SEMA6D: variants seen among roughly 807,000 people sequenced by gnomAD.
SEMA6D encodes semaphorin-6D.
Under a neutral mutation model 106.6 loss-of-function variants are expected in SEMA6D, and 35 were observed. The ratio of observed to expected loss-of-function variants is 0.33; its 90% CI spans 0.25 to 0.44. SEMA6D has a LOEUF of 0.44. Among genes scored for constraint, SEMA6D ranks in the 20% least tolerant of loss-of-function variants. SEMA6D has a pLI of 1.00. For missense variants in SEMA6D, 1,185 were observed against 1,345.9 expected (o/e 0.88, Z 1.87); for synonymous variants, 499 against 487.7 (o/e 1.02, Z -0.31).
chr15:47,715,940 C>T (rs1165432433), upstream of SEMA6D, among the ~76,000 whole-genome samples: 1 of 152,178 alleles, frequency 6.6e-6, no homozygotes, highest in African/African-American at 2.4e-5. Context: ...GGCTTGCTCC[C>T]TTGATGGAGA....
At position 47,348,723 on chromosome 15, in the gene SEMA6D, C is replaced by CAGAGAGAGAGAG. The variant is rs1258338355; in HGVS notation, c.-238-63669_-238-63668insGAGAGAGAGAGA. On this transcript the variant is annotated intron_variant, in intron 1 of 19. Coordinates refer to the SEMA6D transcript ENST00000558014. ...CACACACACACACACACACACCACA[C>CAGAGAGAGAGAG]ACACAGAGAGAGAGAGAGAGAGAGA... Among the ~76,000 whole-genome samples the CAGAGAGAGAGAG allele has an allele frequency of 3.4e-3, 157 of 45,586 alleles. 16 individuals carry two copies. Among genetic ancestry groups the CAGAGAGAGAGAG allele is most frequent in the African/African-American group, 7.6e-3 (133 of 17,522 alleles). The allele number at this position is 45,586 out of a possible 152,430, so 29.9% of individuals were successfully genotyped here.
At chr15:47,420,862 A>C (rs976543832) in intron 2 of SEMA6D, among the ~76,000 whole-genome samples, 10 of 152,140 alleles carry the variant, frequency 6.6e-5, no homozygotes, top group Admixed American at 3.9e-4. Flanking sequence ...AGGGGCAGCT[A>C]TTCAGTTCTC....
intron 1 of SEMA6D, among the ~76,000 whole-genome samples, chr15:47,287,794 C>T (rs2035435723): frequency 6.6e-6 from 1 of 152,148 alleles, no homozygotes; most frequent in African/African-American, 2.4e-5. Context: ...TTAGGCCATT[C>T]TTGCATTGCT....
intron 1 of SEMA6D, among the ~76,000 whole-genome samples, chr15:47,365,003 T>C (rs2038959590): frequency 2.6e-5 from 4 of 152,142 alleles, no homozygotes; most frequent in Admixed American, 2.6e-4. Flanking sequence ...AGTACAAGCA[T>C]CTGAGAGATG....
chr15:47,452,596 CTTGAAT>C (rs1472990366), intron 2 of SEMA6D, among the ~76,000 whole-genome samples: 1 of 151,762 alleles, frequency 6.6e-6, no homozygotes, highest in Non-Finnish European at 1.5e-5. Context: ...GGAAAAAAAT[CTTGAAT>C]TTTAATGGGA....
chr15:47,442,202 C>T (rs2041903757), intron 2 of SEMA6D, among the ~76,000 whole-genome samples: 1 of 152,042 alleles, frequency 6.6e-6, no homozygotes, highest in Non-Finnish European at 1.5e-5. Context: ...TTATATGGTG[C>T]ACATCAAATT....
At chr15:47,521,068 G>T (rs190340373) in intron 3 of SEMA6D, among the ~76,000 whole-genome samples, 2 of 152,312 alleles carry the variant, frequency 1.3e-5, no homozygotes, top group East Asian at 3.9e-4. Flanking sequence ...TCTCATAGGT[G>T]TTGGCTTGGA....
chr15:47,356,263 A>C (rs892500366), intron 1 of SEMA6D, among the ~76,000 whole-genome samples: 1 of 152,234 alleles, frequency 6.6e-6, no homozygotes, highest in Non-Finnish European at 1.5e-5. Flanking sequence ...ACAAATGGTA[A>C]TAACTACTAG....
chr15:47,389,866 A>C (rs1057480591), intron 1 of SEMA6D, among the ~76,000 whole-genome samples: 3 of 152,130 alleles, frequency 2.0e-5, no homozygotes, highest in Non-Finnish European at 4.4e-5. Context: ...ACTCCTTGCC[A>C]CTTTTCTATC....
At chr15:47,418,662 A>G (rs964460954) in intron 2 of SEMA6D, among the ~76,000 whole-genome samples, 8 of 152,116 alleles carry the variant, frequency 5.3e-5, no homozygotes, top group Non-Finnish European at 8.8e-5. Flanking sequence ...CGGAACATGA[A>G]CATTCAGAGC....
intron 3 of SEMA6D, chr15:47,525,601 A>G (rs562379712): frequency 3.9e-5 from 6 of 152,370 alleles, no homozygotes; most frequent in Non-Finnish European, 5.9e-5. Flanking sequence ...GAAAATAAGT[A>G]TAATCATTTT....
At chr15:47,334,642 G>A (rs935813801) in intron 1 of SEMA6D, among the ~76,000 whole-genome samples, 6 of 152,166 alleles carry the variant, frequency 3.9e-5, no homozygotes, top group African/African-American at 1.4e-4. Flanking sequence ...TACACAATTG[G>A]TGTCAAAAGT....
At chr15:47,636,165 T>C (rs2077385437) in intron 4 of SEMA6D, among the ~76,000 whole-genome samples, 1 of 152,094 alleles carries the variant, frequency 6.6e-6, no homozygotes, top group South Asian at 2.1e-4. Flanking sequence ...CACTGAATTG[T>C]GGTGATGGTT....
At chr15:47,198,612 C>T (rs1013212195) in intron 1 of SEMA6D, among the ~76,000 whole-genome samples, 1 of 152,148 alleles carries the variant, frequency 6.6e-6, no homozygotes, top group Non-Finnish European at 1.5e-5. Flanking sequence ...GAATCTTTCA[C>T]ACCAAGGGTG....
rs1595557075 is a variant in SEMA6D, at chr15:47,255,315, A to T, written c.-239+70897A>T. Among the ~76,000 whole-genome samples, 4 of 151,692 alleles carry T rather than the reference A, an allele frequency of 2.6e-5. No individual in the cohort carries two copies. In the South Asian group the frequency reaches 8.3e-4, roughly 32 times the overall value. On this transcript the variant is annotated intron_variant, in intron 1 of 19. Coordinates refer to the SEMA6D transcript ENST00000558014. Reference sequence around the variant, plus strand: ...TTCCTTTTTCACCTTTAATTTTGTAAATTTGAGTCTTCTCTCTTTTTTTCT... The same window carrying T: ...TTCCTTTTTCACCTTTAATTTTGTATATTTGAGTCTTCTCTCTTTTTTTCT...
intron 4 of SEMA6D, among the ~76,000 whole-genome samples, chr15:47,663,095 G>T (rs2077960178): frequency 6.6e-6 from 1 of 152,132 alleles, no homozygotes; most frequent in Admixed American, 6.6e-5. Flanking sequence ...CAATTTTAAT[G>T]ATCAACGTGA....
At chr15:47,286,506 C>T (rs1434008064) in intron 1 of SEMA6D, among the ~76,000 whole-genome samples, 1 of 152,002 alleles carries the variant, frequency 6.6e-6, no homozygotes, top group Non-Finnish European at 1.5e-5. Flanking sequence ...AAAAATATTC[C>T]ATGTGAAGAG....
intron 1 of SEMA6D, among the ~76,000 whole-genome samples, chr15:47,259,389 G>A (rs1196015862): frequency 6.6e-6 from 1 of 152,014 alleles, no homozygotes; most frequent in Non-Finnish European, 1.5e-5. Flanking sequence ...CTTCTTTAAT[G>A]TCTGAGGAGG....
intron 4 of SEMA6D, among the ~76,000 whole-genome samples, chr15:47,694,538 C>T (rs967319731): frequency 6.6e-6 from 1 of 152,100 alleles, no homozygotes; most frequent in Non-Finnish European, 1.5e-5. Flanking sequence ...TGCCCCTCTT[C>T]AACTAATTCA....
Sources: gnomAD v4.1 joint callset for allele counts (sites outside exome capture counted in the v4.1 genomes callset) on GRCh38, gnomAD v4.1.1 for gene constraint, MANE v1.5 for transcripts, NCBI Gene and HGNC (gene_info 2026-07-23, HGNC 2026-07-21) for gene names.